CSE1L: variants seen among roughly 807,000 people sequenced by gnomAD.
The protein encoded by CSE1L is chromosome segregation 1 like, also known as exportin-2.
Under a neutral mutation model 120.4 loss-of-function variants are expected in CSE1L, and 24 were observed. The observed-to-expected ratio is 0.20, with a 90% CI of 0.14 to 0.28. The LOEUF is 0.28. Among genes scored for constraint, CSE1L ranks in the 10% least tolerant of loss-of-function variants. The pLI, the probability that CSE1L is intolerant of heterozygous loss-of-function variation, is 1.00. For synonymous variants in CSE1L, 402 were observed against 398.3 expected, an observed-to-expected ratio of 1.01 and a Z score of -0.11; for missense variants, 830 against 1,145.2, an observed-to-expected ratio of 0.72 and a Z score of 3.97.
At chr20:49,059,602 G>A (rs1188188146) in intron 2 of CSE1L, among the ~76,000 whole-genome samples, 1 of 152,068 alleles carries the variant, frequency 6.6e-6, no homozygotes, top group Admixed American at 6.6e-5. Flanking sequence ...TTTTGGGGCC[G>A]GGTGCGGTGG....
In CSE1L at chr20:49,075,400, C is replaced by T. The variant is rs2091962187; in HGVS notation, c.1215C>T (p.Phe405=). The change falls in exon 12 of 25, where the codon TTC becomes TTT. Residue 405 remains phenylalanine, a synonymous_variant. Coordinates refer to ENST00000262982, the MANE Select transcript of CSE1L (RefSeq NM_001316.4). ...TTGAGGGACCTGTGACAGGAATCTTCTCTGGTTATGTTAATTCCATGCTGC... is the reference window on the plus strand; with the variant it reads ...TTGAGGGACCTGTGACAGGAATCTTTTCTGGTTATGTTAATTCCATGCTGC... ...KFFEGPVTGI[F]SGYVNSMLQE... 6.2e-7 allele frequency: 1 copy of T among 1,613,952 alleles called. No homozygotes were observed. Among genetic ancestry groups the T allele is most frequent in the Non-Finnish European group, 8.5e-7 (1 of 1,179,996 alleles).
At chr20:49,064,035 C>T (rs1351539762) in intron 3 of CSE1L, among the ~76,000 whole-genome samples, 1 of 152,014 alleles carries the variant, frequency 6.6e-6, no homozygotes, top group Non-Finnish European at 1.5e-5. Context: ...TTTGGCTCAC[C>T]AGGGGACATT....
At chr20:49,048,352 A>G (rs754231644) in intron 1 of CSE1L, among the ~76,000 whole-genome samples, 8 of 152,170 alleles carry the variant, frequency 5.3e-5, no homozygotes, top group South Asian at 2.1e-4. Flanking sequence ...TTGTTTCTTT[A>G]TTCATTTAAT....
intron 6 of CSE1L, 123 bp downstream of exon 6, chr20:49,067,403 G>T: frequency 1.6e-6 from 1 of 613,112 alleles, no homozygotes; most frequent in Non-Finnish European, 2.6e-6. Context: ...CATTTCTTTT[G>T]AAAAATTTCA....
intron 12 of CSE1L, among the ~76,000 whole-genome samples, chr20:49,075,925 G>A (rs192878480): frequency 2.9e-4 from 44 of 152,160 alleles, no homozygotes; most frequent in Admixed American, 1.5e-3. Context: ...TCCACCTCCC[G>A]AGTTCGAGCG....
chr20:49,083,944 A>G, intron 14 of CSE1L, 82 bp from the exon 15 acceptor site: 2 of 1,401,820 alleles, frequency 1.4e-6, no homozygotes, highest in Non-Finnish European at 2.0e-6. Flanking sequence ...TCTTTAAATC[A>G]ACAGGTCCTT....
chr20:49,066,089 C>T, intron 3 of CSE1L, 103 bp from the exon 4 acceptor site: 2 of 965,578 alleles, frequency 2.1e-6, no homozygotes, highest in Non-Finnish European at 3.1e-6. Context: ...TATTTGTTTT[C>T]TTAGAAAATT....
chr20:49,081,608 T>G lies in CSE1L; in HGVS notation c.1483-2418T>G, dbSNP rs373275591. Among the ~76,000 whole-genome samples the G allele has an allele frequency of 2.6e-5, 4 of 152,322 alleles. No homozygotes were observed. The East Asian group carries it at 7.7e-4, about 29-fold the overall frequency. ...GAGTTCAGTTAAGCATCTTTCCACT[T>G]GAAGGGTCCATTTTCATTTCTTTTC... On this transcript the variant is annotated intron_variant, in intron 14 of 24. Coordinates refer to ENST00000262982, the MANE Select transcript of CSE1L (RefSeq NM_001316.4).
intron 3 of CSE1L, among the ~76,000 whole-genome samples, chr20:49,065,016 G>A (rs891340325): frequency 1.3e-5 from 2 of 151,490 alleles, no homozygotes; most frequent in Non-Finnish European, 2.9e-5. Context: ...AATTAGCCAG[G>A]TGTGGTCGTG....
chr20:49,070,646 T>A (rs2091925053), intron 8 of CSE1L, among the ~76,000 whole-genome samples: 1 of 152,192 alleles, frequency 6.6e-6, no homozygotes, highest in Non-Finnish European at 1.5e-5. Context: ...TTAAAAATCA[T>A]CTGGCTAGGC....
chr20:49,079,904 A>T lies in CSE1L; in HGVS notation c.1482+1282A>T, dbSNP rs572535527. Among the ~76,000 whole-genome samples, 38 of 152,206 alleles carry T rather than the reference A, an allele frequency of 2.5e-4. 1 individual carries two copies. Among genetic ancestry groups the T allele is most frequent in the African/African-American group, 9.1e-4 (38 of 41,532 alleles). On this transcript the variant is annotated intron_variant, in intron 14 of 24. Coordinates refer to ENST00000262982, the MANE Select transcript of CSE1L (RefSeq NM_001316.4). ...AGACCACCTTGGCCAACATGACGAA[A>T]CCCCATCTCTACTAAAAATACTAGC...
intron 22 of CSE1L, among the ~76,000 whole-genome samples, chr20:49,092,974 T>C (rs1303955610): frequency 1.3e-5 from 2 of 152,194 alleles, no homozygotes; most frequent in Non-Finnish European, 2.9e-5. Flanking sequence ...TTTTGACTTA[T>C]CTGGTATATA....
At chr20:49,064,199 C>T (rs2091873332) in intron 3 of CSE1L, among the ~76,000 whole-genome samples, 1 of 152,124 alleles carries the variant, frequency 6.6e-6, no homozygotes, top group African/African-American at 2.4e-5. Context: ...GAAAGCCTGG[C>T]TCATGATAGA....
At chr20:49,050,571 T>A (rs1186265208) in intron 1 of CSE1L, among the ~76,000 whole-genome samples, 2 of 146,596 alleles carry the variant, frequency 1.4e-5, no homozygotes, top group African/African-American at 5.0e-5. Context: ...CCCGGCTAAT[T>A]TTTTTTTTTT....
intron 5 of CSE1L, among the ~76,000 whole-genome samples, chr20:49,066,958 G>A (rs1415706729): frequency 6.6e-6 from 1 of 150,534 alleles, no homozygotes; most frequent in South Asian, 2.1e-4. Context: ...CTTGAGCCTG[G>A]GAGGTGGAGG....
intron 5 of CSE1L, 59 bp from the exon 6 acceptor site, chr20:49,067,131 C>A: frequency 2.8e-6 from 3 of 1,054,502 alleles, no homozygotes; most frequent in Admixed American, 1.9e-5. Flanking sequence ...TCCTTGAAGA[C>A]CTAAAGTGAG....
chr20:49,069,498 G>A (rs887280632), intron 7 of CSE1L, among the ~76,000 whole-genome samples: 6 of 152,190 alleles, frequency 3.9e-5, no homozygotes, highest in Non-Finnish European at 8.8e-5. Context: ...CCAGTACCTG[G>A]ACTTACCTTC....
At chr20:49,066,590 T>G (rs2091894011) in intron 5 of CSE1L, 80 bp downstream of exon 5, 1 of 1,277,740 alleles carries the variant, frequency 7.8e-7, no homozygotes, top group South Asian at 1.4e-5. Flanking sequence ...TTTTTGTGAC[T>G]GTTGTCATTC....
chr20:49,073,978 G>A (rs2091950403), intron 10 of CSE1L, among the ~76,000 whole-genome samples: 1 of 151,994 alleles, frequency 6.6e-6, no homozygotes, highest in African/African-American at 2.4e-5. Flanking sequence ...ACTTTGGGAG[G>A]CTGAGGTGGG....
Sources: allele counts gnomAD v4.1 joint callset (sites outside exome capture counted in the v4.1 genomes callset), GRCh38; gene constraint gnomAD v4.1.1; transcripts MANE v1.5; gene names NCBI Gene and HGNC (gene_info 2026-07-23, HGNC 2026-07-21).